GRM7: variants seen among roughly 807,000 people sequenced by gnomAD.
The protein encoded by GRM7 is metabotropic glutamate receptor 7.
A neutral mutation model predicts 84.5 loss-of-function variants in GRM7; 35 were observed. The observed-to-expected ratio is 0.41, with a 90% CI of 0.32 to 0.55. The LOEUF (loss-of-function observed/expected upper bound fraction) is 0.55. GRM7 is among the 20% of genes least tolerant of loss of function. GRM7 has a pLI of 0.19. For synonymous variants in GRM7, 487 were observed against 455.1 expected, an observed-to-expected ratio of 1.07 and a Z score of -0.89; for missense variants, 1,003 against 1,194.6, an observed-to-expected ratio of 0.84 and a Z score of 2.36.
At chr3:7,294,655 G>A (rs1237985603) in intron 2 of GRM7, among the ~76,000 whole-genome samples, 1 of 152,062 alleles carries the variant, frequency 6.6e-6, no homozygotes. Flanking sequence ...GAGACACCCA[G>A]GTGAATATGC....
At chr3:7,031,633 C>T (rs1173818670) in intron 1 of GRM7, among the ~76,000 whole-genome samples, 1 of 151,758 alleles carries the variant, frequency 6.6e-6, no homozygotes, top group Non-Finnish European at 1.5e-5. Context: ...TAGCCAGGGC[C>T]AAATACTTTT....
intron 9 of GRM7, among the ~76,000 whole-genome samples, chr3:7,692,790 A>G (rs553647813): frequency 4.7e-4 from 72 of 152,206 alleles, no homozygotes; most frequent in Non-Finnish European, 8.8e-4. Context: ...ATTTTTCTGA[A>G]ATGGGATTGA....
At chr3:7,207,378 G>A (rs1278898991) in intron 2 of GRM7, among the ~76,000 whole-genome samples, 1 of 152,172 alleles carries the variant, frequency 6.6e-6, no homozygotes, top group Non-Finnish European at 1.5e-5. Flanking sequence ...AGCTTGCCAA[G>A]TGTTTCTGTG....
At chr3:7,263,317 C>G (rs891469393) in intron 2 of GRM7, among the ~76,000 whole-genome samples, 1 of 152,176 alleles carries the variant, frequency 6.6e-6, no homozygotes, top group African/African-American at 2.4e-5. Context: ...AGAGGTGCAA[C>G]AGGACCACTG....
chr3:7,497,451 A>C (rs1475832091), intron 7 of GRM7, among the ~76,000 whole-genome samples: 3 of 152,172 alleles, frequency 2.0e-5, no homozygotes, highest in Non-Finnish European at 4.4e-5. Context: ...TCCTAGAATT[A>C]TCTAGATTTA....
intron 1 of GRM7, among the ~76,000 whole-genome samples, chr3:7,103,354 G>A (rs988058548): frequency 6.6e-6 from 1 of 151,746 alleles, no homozygotes; most frequent in Admixed American, 6.6e-5. Context: ...GTAGGAGTCA[G>A]ATTCTAAATT....
At chr3:7,059,261 A>T (rs1697342950) in intron 1 of GRM7, among the ~76,000 whole-genome samples, 1 of 151,770 alleles carries the variant, frequency 6.6e-6, no homozygotes, top group African/African-American at 2.4e-5. Flanking sequence ...AGAGAAATTG[A>T]TTTACTTTTT....
At chr3:7,220,251 T>G (rs1696755824) in intron 2 of GRM7, among the ~76,000 whole-genome samples, 1 of 152,206 alleles carries the variant, frequency 6.6e-6, no homozygotes, top group African/African-American at 2.4e-5. Context: ...GAAGTAACTT[T>G]ACAGTGGAGA....
intron 4 of GRM7, among the ~76,000 whole-genome samples, chr3:7,316,165 G>T (rs79145762): frequency 0.013 from 1,988 of 152,212 alleles, 50 homozygotes; most frequent in African/African-American, 0.043. Context: ...AAACTGGTGA[G>T]CCGGAGCACA....
At chr3:7,068,765 A>G (rs1346512491) in intron 1 of GRM7, among the ~76,000 whole-genome samples, 1 of 151,930 alleles carries the variant, frequency 6.6e-6, no homozygotes, top group East Asian at 1.9e-4. Flanking sequence ...TCATTCCATA[A>G]GGTATGCCTC....
intron 3 of GRM7, among the ~76,000 whole-genome samples, chr3:7,304,476 A>C (rs73130254): frequency 0.031 from 4,673 of 151,430 alleles, 241 homozygotes; most frequent in African/African-American, 0.11. Context: ...CTAAGTTTTT[A>C]AACTTGAAAA....
At chr3:6,906,646 G>A (rs552335656) in intron 1 of GRM7, among the ~76,000 whole-genome samples, 3 of 152,156 alleles carry the variant, frequency 2.0e-5, no homozygotes, top group African/African-American at 4.8e-5. Context: ...AGGATGTTCA[G>A]AAGGCTCTGA....
chr3:7,050,948 G>A (rs766291031), intron 1 of GRM7, among the ~76,000 whole-genome samples: 1 of 151,804 alleles, frequency 6.6e-6, no homozygotes, highest in African/African-American at 2.4e-5. Context: ...GGTTAAATAT[G>A]CTTACATTGT....
At chr3:7,422,764 C>T (rs1296497401) in intron 5 of GRM7, among the ~76,000 whole-genome samples, 2 of 152,038 alleles carry the variant, frequency 1.3e-5, no homozygotes, top group African/African-American at 2.4e-5. Context: ...TTTTTACTTC[C>T]ATTGTTCTTC....
chr3:7,267,938 A>G lies in GRM7; in HGVS notation c.737-30746A>G, dbSNP rs117112886. 6.3e-4 allele frequency among the ~76,000 whole-genome samples: 96 copies of G among 152,152 alleles called. 1 individual carries two copies. The East Asian group carries it at 0.014, about 22-fold the overall frequency. The stretch of plus-strand genomic sequence containing the variant: ...CCAGAAATCTGATTTCCATGGGATA[A>G]TTGGTTCAGTTTCAGAAGGCCCAGT... On this transcript the variant is annotated intron_variant, in intron 2 of 9. Coordinates refer to ENST00000357716, the MANE Select transcript of GRM7 (RefSeq NM_000844.4).
At chr3:7,076,851 C>G (rs759183079) in intron 1 of GRM7, among the ~76,000 whole-genome samples, 1 of 152,112 alleles carries the variant, frequency 6.6e-6, no homozygotes, top group Non-Finnish European at 1.5e-5. Context: ...GGGCTACTAT[C>G]CAGAATCTAC....
At chr3:6,982,688 A>G (rs1478258470) in intron 1 of GRM7, among the ~76,000 whole-genome samples, 2 of 152,082 alleles carry the variant, frequency 1.3e-5, no homozygotes, top group East Asian at 1.9e-4. Context: ...TCTGTTCACC[A>G]TCACTATAGT....
chr3:7,178,133 C>A (rs771622381), intron 2 of GRM7, among the ~76,000 whole-genome samples: 1 of 152,170 alleles, frequency 6.6e-6, no homozygotes, highest in Admixed American at 6.5e-5. Context: ...AGAATCATTT[C>A]TCTGTGTTTT....
chr3:7,364,985 G>A (rs1405984481), intron 4 of GRM7, among the ~76,000 whole-genome samples: 1 of 151,740 alleles, frequency 6.6e-6, no homozygotes, highest in East Asian at 1.9e-4. Context: ...AGGATACATA[G>A]GTGGCAACTT....
Sources: allele counts gnomAD v4.1 joint callset (sites outside exome capture counted in the v4.1 genomes callset), GRCh38; gene constraint gnomAD v4.1.1; transcripts MANE v1.5; gene names NCBI Gene and HGNC (gene_info 2026-07-23, HGNC 2026-07-21).